ADGRL3: variants seen among roughly 807,000 people sequenced by gnomAD.
ADGRL3 encodes adhesion G protein-coupled receptor L3.
ADGRL3 carries 62 observed loss-of-function variants against 153.5 expected under a neutral mutation model. That is an observed-to-expected ratio of 0.40 (90% CI 0.33 to 0.50). The LOEUF (loss-of-function observed/expected upper bound fraction) is 0.50, where lower values mean the gene tolerates loss of function less well. Ranked by LOEUF, ADGRL3 falls within the 20% of genes least tolerant of loss-of-function variation. ADGRL3 has a pLI of 0.47. For synonymous variants in ADGRL3, 710 were observed against 672.5 expected, an observed-to-expected ratio of 1.06 and a Z score of -0.86; for missense variants, 1,641 against 1,859.4, an observed-to-expected ratio of 0.88 and a Z score of 2.16.
intron 17 of ADGRL3, among the ~76,000 whole-genome samples, chr4:61,958,657 T>C (rs2098976858): frequency 6.6e-6 from 1 of 151,882 alleles, no homozygotes; most frequent in East Asian, 1.9e-4. Flanking sequence ...ACTGCCACTT[T>C]TAAACTATCA....
chr4:61,590,974 G>T (rs191305779), intron 5 of ADGRL3, among the ~76,000 whole-genome samples: 1 of 152,070 alleles, frequency 6.6e-6, no homozygotes, highest in African/African-American at 2.4e-5. Flanking sequence ...AGAAAATTCC[G>T]TATATCATAC....
chr4:62,076,492 A>G lies in ADGRL3; in HGVS notation c.*5584A>G, dbSNP rs553039457. On this transcript the variant is annotated 3_prime_UTR_variant, in exon 27 of 27. Coordinates refer to ENST00000683033, the MANE Select transcript of ADGRL3 (RefSeq NM_001387552.1). Reference sequence around the variant, plus strand: ...AGAAACCAAACAAGTTAGCAAACTTATGGTAAGGTGACAGGACCTAAACTA... The same window carrying G: ...AGAAACCAAACAAGTTAGCAAACTTGTGGTAAGGTGACAGGACCTAAACTA... The G allele has an allele frequency of 2.0e-5, 3 of 152,212 alleles. No individual in the cohort carries two copies. The highest frequency in any genetic ancestry group is 2.0e-4 in the Admixed American group (3 of 15,280). The allele number at this position is 152,212 out of a possible 1,614,324, so 9.4% of individuals were successfully genotyped here.
intron 1 of ADGRL3, among the ~76,000 whole-genome samples, chr4:61,269,399 T>G (rs1296101387): frequency 6.6e-6 from 1 of 151,708 alleles, no homozygotes; most frequent in Non-Finnish European, 1.5e-5. Context: ...TGATCGCATG[T>G]GTTTCAAGTT....
At chr4:61,554,273 AACCTCC>A (rs2098755078) in intron 4 of ADGRL3, among the ~76,000 whole-genome samples, 1 of 151,518 alleles carries the variant, frequency 6.6e-6, no homozygotes, top group African/African-American at 2.4e-5. Flanking sequence ...GGCTCACTGC[AACCTCC>A]ACCTCCCAGG....
intron 6 of ADGRL3, among the ~76,000 whole-genome samples, chr4:61,697,293 G>A (rs2095660308): frequency 6.6e-6 from 1 of 152,072 alleles, no homozygotes; most frequent in South Asian, 2.1e-4. Flanking sequence ...AGGCATGGTG[G>A]CACATGGCTG....
intron 1 of ADGRL3, among the ~76,000 whole-genome samples, chr4:61,255,824 T>C (rs2091904175): frequency 6.6e-6 from 1 of 152,154 alleles, no homozygotes; most frequent in African/African-American, 2.4e-5. Context: ...ATAAATTGTT[T>C]CCTAGCACCA....
chr4:61,632,985 A>G (rs565495160), intron 5 of ADGRL3, among the ~76,000 whole-genome samples: 46 of 152,280 alleles, frequency 3.0e-4, no homozygotes, highest in East Asian at 1.7e-3. Context: ...TTTGAAAACT[A>G]TTTCACAGAT....
chr4:61,494,788 C>A lies in ADGRL3; in HGVS notation c.-173-2333C>A, dbSNP rs145947753. Among the ~76,000 whole-genome samples the A allele has an allele frequency of 2.0e-3, 299 of 151,992 alleles. 1 individual carries two copies. The highest frequency in any genetic ancestry group is 5.4e-3 in the African/African-American group (226 of 41,472). The stretch of plus-strand genomic sequence containing the variant: ...TATCAATGAAATTAAAGAGAAAACT[C>A]TTTATATATATTGTGTCCATATTTA... On this transcript the variant is annotated intron_variant, in intron 2 of 26. Coordinates refer to ENST00000683033, the MANE Select transcript of ADGRL3 (RefSeq NM_001387552.1).
chr4:61,781,962 C>T (rs1429882098), intron 8 of ADGRL3, among the ~76,000 whole-genome samples: 3 of 152,020 alleles, frequency 2.0e-5, no homozygotes, highest in African/African-American at 4.8e-5. Flanking sequence ...AAATACTTAT[C>T]GAATACTTAA....
At chr4:61,543,272 C>T (rs2098699211) in intron 4 of ADGRL3, among the ~76,000 whole-genome samples, 1 of 151,632 alleles carries the variant, frequency 6.6e-6, no homozygotes, top group African/African-American at 2.4e-5. Context: ...GGGAGATTAT[C>T]CTGGATTATG....
intron 11 of ADGRL3, among the ~76,000 whole-genome samples, chr4:61,907,729 A>C (rs535674369): frequency 6.6e-6 from 1 of 152,124 alleles, no homozygotes; most frequent in East Asian, 1.9e-4. Flanking sequence ...AATTTTCTTA[A>C]TTGCTATATT....
At chr4:61,552,142 A>G (rs2098743171) in intron 4 of ADGRL3, among the ~76,000 whole-genome samples, 1 of 146,596 alleles carries the variant, frequency 6.8e-6, no homozygotes. Flanking sequence ...CAATAAACAC[A>G]GAAGCAACTG....
In ADGRL3 at chr4:61,850,779, G is replaced by A. The variant is rs187320722; in HGVS notation, c.1480+36890G>A. Among the ~76,000 whole-genome samples, 195 of 152,224 alleles carry A rather than the reference G, an allele frequency of 1.3e-3. 1 individual carries two copies. The highest frequency in any genetic ancestry group is 4.5e-3 in the African/African-American group (188 of 41,536). On this transcript the variant is annotated intron_variant, in intron 9 of 26. Coordinates refer to ENST00000683033, the MANE Select transcript of ADGRL3 (RefSeq NM_001387552.1). ...GTAGTTAAGTGGAAATTTAAATAGAGATGAAAAATATAAAATTTGGTCAAT... is the reference window on the plus strand; with the variant it reads ...GTAGTTAAGTGGAAATTTAAATAGAAATGAAAAATATAAAATTTGGTCAAT...
chr4:61,892,580 T>G (rs2098596510), intron 9 of ADGRL3, 76 bp from the exon 10 acceptor site: 4 of 1,045,118 alleles, frequency 3.8e-6, no homozygotes, highest in Middle Eastern at 2.1e-4. Flanking sequence ...TAAAAACAAT[T>G]TCTAAAGTAC....
chr4:61,966,954 A>G (rs2099009142), intron 17 of ADGRL3, among the ~76,000 whole-genome samples: 1 of 152,156 alleles, frequency 6.6e-6, no homozygotes, highest in African/African-American at 2.4e-5. Context: ...AAGTTGCTAA[A>G]AACTTGCAAT....
At chr4:61,880,823 T>A (rs2098504329) in intron 9 of ADGRL3, among the ~76,000 whole-genome samples, 1 of 152,132 alleles carries the variant, frequency 6.6e-6, no homozygotes, top group Admixed American at 6.5e-5. Context: ...GTTATTTAAA[T>A]TACTTGAAAA....
intron 15 of ADGRL3, 92 bp downstream of exon 15, chr4:61,936,137 A>G: frequency 7.1e-7 from 1 of 1,417,052 alleles, no homozygotes. Flanking sequence ...ACTATTTAGG[A>G]GCTTTTCCCC....
At chr4:61,253,708 CACACAT>C (rs2091689765) in intron 1 of ADGRL3, among the ~76,000 whole-genome samples, 2 of 141,116 alleles carry the variant, frequency 1.4e-5, no homozygotes, top group Non-Finnish European at 3.2e-5. Context: ...CACACACACA[CACACAT>C]ATATACATAT....
intron 4 of ADGRL3, chr4:61,583,537 A>G (rs2098934496): frequency 1.4e-5 from 5 of 350,640 alleles, no homozygotes; most frequent in South Asian, 1.3e-4. Flanking sequence ...ATTATTTGAT[A>G]TTTATATTTT....
Sources: allele counts gnomAD v4.1 joint callset (sites outside exome capture counted in the v4.1 genomes callset), GRCh38; gene constraint gnomAD v4.1.1; transcripts MANE v1.5; gene names NCBI Gene and HGNC (gene_info 2026-07-23, HGNC 2026-07-21).